The following RNF150 variants were observed in gnomAD, a reference collection of about 807,000 sequenced individuals.
RNF150 encodes ring finger protein 150.
RNF150 carries 24 observed loss-of-function variants against 39.3 expected under a neutral mutation model. That is an observed-to-expected ratio of 0.61 (90% confidence interval 0.44 to 0.86). The LOEUF (loss-of-function observed/expected upper bound fraction) is 0.86. Ranked by LOEUF, RNF150 falls within the 40% of genes least tolerant of loss-of-function variation. The pLI is 0.00. For synonymous variants in RNF150, 255 were observed against 227.3 expected (o/e 1.12, Z -1.10); for missense variants, 502 against 587.8 (o/e 0.85, Z 1.51).
intron 1 of RNF150, among the ~76,000 whole-genome samples, chr4:140,999,972 GA>G (rs1560678556): frequency 3.3e-5 from 1 of 30,014 alleles, no homozygotes; most frequent in East Asian, 9.6e-4. Flanking sequence ...AGAAGAAGAA[GA>G]AGAAAAGAAG....
At chr4:141,000,902 T>A (rs1029718832) in intron 1 of RNF150, among the ~76,000 whole-genome samples, 5 of 152,214 alleles carry the variant, frequency 3.3e-5, no homozygotes, top group Non-Finnish European at 4.4e-5. Context: ...ATAAAACCTT[T>A]TCAGCTGAGT....
At chr4:140,918,922 C>T (rs1167353044) in intron 5 of RNF150, among the ~76,000 whole-genome samples, 1 of 152,066 alleles carries the variant, frequency 6.6e-6, no homozygotes, top group African/African-American at 2.4e-5. Context: ...TAAACAGAAC[C>T]AAAGACAAAA....
chr4:141,015,770 A>G (rs116505040), intron 1 of RNF150, among the ~76,000 whole-genome samples: 128 of 152,280 alleles, frequency 8.4e-4, no homozygotes, highest in Non-Finnish European at 4.0e-4. Flanking sequence ...TGCTCTGGCT[A>G]GCATATTAGA....
intron 1 of RNF150, among the ~76,000 whole-genome samples, chr4:140,983,851 T>C (rs1733938216): frequency 6.6e-6 from 1 of 151,722 alleles, no homozygotes; most frequent in Non-Finnish European, 1.5e-5. Flanking sequence ...GTGATTTTCG[T>C]GTCTCAGCCT....
chr4:140,970,069 C>T (rs1425429), intron 1 of RNF150, among the ~76,000 whole-genome samples: 146,832 of 152,206 alleles, frequency 0.96, 71,023 homozygotes, highest in East Asian at 1. Flanking sequence ...CAGACTTACA[C>T]TTTTTAGTAG....
intron 1 of RNF150, among the ~76,000 whole-genome samples, chr4:141,103,011 C>T (rs566875181): frequency 5.9e-5 from 9 of 152,206 alleles, no homozygotes; most frequent in South Asian, 2.1e-4. Context: ...CTTTCAAAAA[C>T]GGAGACACCA....
At chr4:141,017,637 G>T (rs552236109) in intron 1 of RNF150, among the ~76,000 whole-genome samples, 1 of 152,188 alleles carries the variant, frequency 6.6e-6, no homozygotes, top group East Asian at 1.9e-4. Flanking sequence ...AAGATCCTTT[G>T]CCCTCTATTT....
chr4:140,981,192 C>T (rs75461574), intron 1 of RNF150, among the ~76,000 whole-genome samples: 3,174 of 152,204 alleles, frequency 0.021, 115 homozygotes, highest in African/African-American at 0.073. Context: ...AGACCAACTA[C>T]AGGTTGAGTA....
chr4:140,932,575 G>T (rs906194069), intron 4 of RNF150, among the ~76,000 whole-genome samples: 3 of 152,182 alleles, frequency 2.0e-5, no homozygotes, highest in African/African-American at 4.8e-5. Context: ...GGGGTAGTTG[G>T]AGGTATTCAA....
intron 6 of RNF150, among the ~76,000 whole-genome samples, chr4:140,890,056 A>G (rs1221017231): frequency 1.3e-5 from 2 of 152,164 alleles, no homozygotes; most frequent in Admixed American, 1.3e-4. Flanking sequence ...CACTAGTTTC[A>G]TATCCCCAAC....
intron 5 of RNF150, among the ~76,000 whole-genome samples, chr4:140,912,980 AAAAAC>A (rs1457671473): frequency 2.0e-5 from 3 of 149,974 alleles, no homozygotes; most frequent in Non-Finnish European, 4.4e-5. Flanking sequence ...AAAAAAAAAA[AAAAAC>A]ACCATGGGCT....
intron 5 of RNF150, among the ~76,000 whole-genome samples, chr4:140,914,705 T>A (rs1310083681): frequency 6.6e-6 from 1 of 152,224 alleles, no homozygotes; most frequent in Non-Finnish European, 1.5e-5. Context: ...CACTGTAATG[T>A]AGATCAAAAT....
intron 1 of RNF150, among the ~76,000 whole-genome samples, chr4:141,204,719 G>A (rs1168737545): frequency 6.6e-6 from 1 of 152,082 alleles, no homozygotes; most frequent in Admixed American, 6.6e-5. Context: ...TTCTCAATAA[G>A]CTATACATTT....
At chr4:141,016,546 T>C (rs1246090220) in intron 1 of RNF150, among the ~76,000 whole-genome samples, 2 of 152,250 alleles carry the variant, frequency 1.3e-5, no homozygotes, top group African/African-American at 4.8e-5. Context: ...GAGATGTACC[T>C]ATTGTCACCA....
intron 1 of RNF150, among the ~76,000 whole-genome samples, chr4:140,992,743 C>T (rs1314344380): frequency 1.3e-5 from 2 of 152,152 alleles, no homozygotes; most frequent in Non-Finnish European, 2.9e-5. Context: ...AGCCATTCTC[C>T]TCCCCCTTTC....
chr4:140,912,963 A>G (rs1483099156), intron 5 of RNF150, among the ~76,000 whole-genome samples: 664 of 31,330 alleles, frequency 0.021, 2 homozygotes, highest in East Asian at 0.075. Flanking sequence ...AGAACATAAA[A>G]AAAAAAAAAA....
At chr4:140,941,487 G>T (rs183961269) in intron 4 of RNF150, among the ~76,000 whole-genome samples, 1 of 152,306 alleles carries the variant, frequency 6.6e-6, no homozygotes, top group Non-Finnish European at 1.5e-5. Context: ...TAGAAAAACA[G>T]AAGGATCTAA....
At chr4:141,005,972 G>A (rs1734852367) in intron 1 of RNF150, among the ~76,000 whole-genome samples, 1 of 141,102 alleles carries the variant, frequency 7.1e-6, no homozygotes, top group Non-Finnish European at 1.6e-5. Flanking sequence ...GGGAGGCTGA[G>A]GCAGGAGAAT....
intron 1 of RNF150, among the ~76,000 whole-genome samples, chr4:141,150,513 A>G (rs921470606): frequency 6.6e-6 from 1 of 152,206 alleles, no homozygotes; most frequent in South Asian, 2.1e-4. Flanking sequence ...CTGCCAAGCA[A>G]TCATGATAAA....
Sources: allele counts gnomAD v4.1 joint callset (sites outside exome capture counted in the v4.1 genomes callset), GRCh38; gene constraint gnomAD v4.1.1; transcripts MANE v1.5; gene names NCBI Gene and HGNC (gene_info 2026-07-23, HGNC 2026-07-21).